The following NCKAP1L variants were observed in gnomAD, a reference collection of about 807,000 sequenced individuals.
The protein encoded by NCKAP1L is NCK associated protein 1 like.
NCKAP1L carries 53 observed loss-of-function variants against 139.2 expected under a neutral mutation model. That is an observed-to-expected ratio of 0.38 (90% CI 0.31 to 0.48). The LOEUF (loss-of-function observed/expected upper bound fraction) is 0.48. Among genes scored for constraint, NCKAP1L ranks in the 20% least tolerant of loss-of-function variants. NCKAP1L has a pLI of 0.98. For synonymous variants in NCKAP1L, 468 were observed against 499.7 expected (o/e 0.94, Z 0.85); for missense variants, 1,151 against 1,381.9 (o/e 0.83, Z 2.65).
chr12:54,539,032 T>A, intron 30 of NCKAP1L, 59 bp downstream of exon 30: 14 of 1,443,084 alleles, frequency 9.7e-6, no homozygotes, highest in Non-Finnish European at 1.1e-5. Flanking sequence ...GAGGGAGACT[T>A]CTGTTTAGGG....
At chr12:54,533,270 C>T (rs1957087552) in intron 26 of NCKAP1L, among the ~76,000 whole-genome samples, 1 of 152,210 alleles carries the variant, frequency 6.6e-6, no homozygotes, top group Non-Finnish European at 1.5e-5. Context: ...AATCTTTAGG[C>T]TCTGCCTGCC....
chr12:54,538,214 G>A (rs1957128131), intron 29 of NCKAP1L, among the ~76,000 whole-genome samples: 1 of 152,204 alleles, frequency 6.6e-6, no homozygotes, highest in Admixed American at 6.5e-5. Flanking sequence ...AGATTGGTTG[G>A]TGTGTCTCTA....
rs1957006501 is a variant in NCKAP1L, at chr12:54,523,838, C to T, written c.2038C>T (p.His680Tyr). Residue 680 changes from histidine to tyrosine, a missense_variant, in exon 20 of 31, where the codon CAC (histidine) becomes TAC (tyrosine). Physicochemically the swap from His to Tyr is moderately conservative, Grantham distance 83. Transcript: ENST00000293373. ...RSIVTNMDKL[H>Y]LNLTELALTM... is the part of the protein sequence containing the mutation. ...TTTCCTTTCTAGCATGGACAAGCTA[C>T]ACCTAAACTTGACAGAACTGGCACT... The T allele has an allele frequency of 6.8e-6, 11 of 1,613,896 alleles. No homozygotes were observed. In the South Asian group the frequency reaches 7.7e-5, roughly 11 times the overall value.
intron 22 of NCKAP1L, 148 bp downstream of exon 22, chr12:54,528,525 C>A: frequency 3.3e-6 from 3 of 913,720 alleles, no homozygotes; most frequent in East Asian, 2.7e-5. Context: ...ACTTTTGCAC[C>A]AACCTAATAG....
Position 54,523,927 on chromosome 12 carries a change from C to T in NCKAP1L, c.2127C>T (p.Leu709=). The change falls in exon 20 of 31, where the codon CTC becomes CTT. Residue 709 remains leucine (L), a synonymous_variant. Transcript: ENST00000293373. The part of the protein sequence containing the change: ...FEHTIFPSEY[L]SSHLEARLNR... ...ATACTATCTTCCCTTCTGAGTACCT[C>T]AGCAGCCACCTGGAGGCCAGACTCA... The T allele has an allele frequency of 6.2e-7, 1 of 1,614,102 alleles. No individual in the cohort carries two copies. Among genetic ancestry groups the T allele is most frequent in the Non-Finnish European group, 8.5e-7 (1 of 1,179,978 alleles).
chr12:54,531,227 G>A, intron 22 of NCKAP1L, 33 bp from the exon 23 acceptor site: 1 of 1,530,394 alleles, frequency 6.5e-7, no homozygotes. Flanking sequence ...TGCCTTCTGA[G>A]TCCCATCTGG....
chr12:54,506,821 A>ATATATATATATATATT (rs1956844824), intron 3 of NCKAP1L, among the ~76,000 whole-genome samples: 1 of 140,088 alleles, frequency 7.1e-6, no homozygotes, highest in Non-Finnish European at 1.5e-5. Flanking sequence ...ATATATATAT[A>ATATATATATATATATT]TATTCCTTAA....
At position 54,502,676 on chromosome 12, in the gene NCKAP1L, TATATC is replaced by T. The variant is rs558772384; in HGVS notation, c.306+2055_306+2059del. Among the ~76,000 whole-genome samples the T allele has an allele frequency of 1.2e-3, 178 of 151,902 alleles. 1 individual carries two copies. The highest frequency in any genetic ancestry group is 4.1e-3 in the African/African-American group (170 of 41,420). On this transcript the variant is annotated intron_variant, in intron 3 of 30. Transcript: ENST00000293373. ...CAGGAAATATAACATACACAGGAAA[TATATC>T]ATACACAGGAAATATAACATTATGG...
Position 54,542,641 on chromosome 12 carries a change from C to G in NCKAP1L, c.3340C>G (p.Arg1114Gly), listed in dbSNP as rs375216593. 1 of 1,614,166 alleles carries G rather than the reference C, an allele frequency of 6.2e-7. No homozygotes were observed. The change falls in exon 31 of 31, where the codon CGA becomes GGA. Residue 1114 changes from arginine to glycine, a missense_variant. Coordinates refer to ENST00000293373, the MANE Select transcript of NCKAP1L (RefSeq NM_005337.5). ...GTCCTGTTTCCCTTATGTCCTGCTT[C>G]GAAATGCCTATCGGGAGGTGTCTCG... ...LESCFPYVLL[R>G]NAYREVSRAF...
chr12:54,536,192 C>G lies in NCKAP1L; in HGVS notation c.3020C>G (p.Ser1007Cys), dbSNP rs1957111415. Residue 1007 changes from serine (S) to cysteine (C), a missense_variant, in exon 28 of 31, where the codon TCC (serine) becomes TGC (cysteine). Coordinates refer to ENST00000293373, the MANE Select transcript of NCKAP1L (RefSeq NM_005337.5). The stretch of plus-strand genomic sequence containing the variant: ...CTGCTCTTGATCTTTCTGGCAGTTT[C>G]CCTCCCACTCCTTGCCACTGACCCT... Reference protein sequence around the residue: ...ACLLLIFLAVSLPLLATDPSS... With the variant: ...ACLLLIFLAVCLPLLATDPSS... 1.2e-6 allele frequency: 2 copies of G among 1,613,488 alleles called. No individual in the cohort carries two copies. Among genetic ancestry groups the G allele is most frequent in the Non-Finnish European group, 1.7e-6 (2 of 1,179,734 alleles).
chr12:54,521,872 AG>A (rs1250863587), intron 18 of NCKAP1L, among the ~76,000 whole-genome samples: 1 of 145,498 alleles, frequency 6.9e-6, no homozygotes, highest in African/African-American at 2.5e-5. Flanking sequence ...GGCTTGGTAA[AG>A]GGGAGTGTGT....
rs1956874179 is a variant in NCKAP1L at position 54,509,938 on chromosome 12, C to G, written c.688C>G (p.Leu230Val). 1 of 1,614,126 alleles carries G rather than the reference C, an allele frequency of 6.2e-7. No individual in the cohort carries two copies. Among genetic ancestry groups the G allele is most frequent in the Non-Finnish European group, 8.5e-7 (1 of 1,180,046 alleles). Residue 230 changes from leucine to valine, a missense_variant, in exon 7 of 31, where the codon CTC becomes GTC. By Grantham distance (32) the Leu-to-Val change is conservative. Coordinates refer to ENST00000293373, the MANE Select transcript of NCKAP1L (RefSeq NM_005337.5). ...EQWRSAQLLS[L>V]ISNPPAMINP... Reference sequence around the variant, plus strand: ...GTGGCGCAGTGCCCAACTTCTAAGCCTCATCAGCAACCCCCCAGCCATGAT... The same window carrying G: ...GTGGCGCAGTGCCCAACTTCTAAGCGTCATCAGCAACCCCCCAGCCATGAT...
rs185229057 is a variant in NCKAP1L at position 54,545,636 on chromosome 12, G to A, written c.*2951G>A. The A allele has an allele frequency of 2.0e-5, 3 of 152,322 alleles. No homozygotes were observed. Among genetic ancestry groups the A allele is most frequent in the Admixed American group, 2.0e-4 (3 of 15,308 alleles). 9.4% of individuals were successfully genotyped at this position (152,322 alleles called of 1,614,324 possible). A position where few individuals can be genotyped will look rare whatever the true frequency, so the allele number is the denominator to read the frequency against. On this transcript the variant is annotated 3_prime_UTR_variant, in exon 31 of 31. Coordinates refer to ENST00000293373, the MANE Select transcript of NCKAP1L (RefSeq NM_005337.5). Reference sequence around the variant, plus strand: ...CTTACAACCTGGGAAAAAATAAGTTGTGTCCCAGGTTGTAAGTTTGCTTTA... The same window carrying A: ...CTTACAACCTGGGAAAAAATAAGTTATGTCCCAGGTTGTAAGTTTGCTTTA...
At chr12:54,528,183 T>TA in intron 21 of NCKAP1L, 64 bp from the exon 22 acceptor site, 1 of 1,574,828 alleles carries the variant, frequency 6.3e-7, no homozygotes, top group Non-Finnish European at 8.6e-7. Context: ...GTGGTAGTAG[T>TA]AGGGAATGCT....
In NCKAP1L at chr12:54,509,986, G is replaced by A; in HGVS notation, c.735+1G>A. ...GATTAACCCTGCTAATTCAGATACA[G>A]TGAGTGCCCTTTTCCTTTTGTTAGT... On this transcript the variant is annotated splice_donor_variant, in intron 7 of 30. Coordinates refer to ENST00000293373, the MANE Select transcript of NCKAP1L (RefSeq NM_005337.5). LOFTEE classifies it high-confidence loss of function. 1 of 1,614,142 alleles carries A rather than the reference G, an allele frequency of 6.2e-7. No homozygotes were observed. The highest frequency in any genetic ancestry group is 1.1e-5 in the South Asian group (1 of 91,080).
intron 30 of NCKAP1L, among the ~76,000 whole-genome samples, 175 bp from the exon 31 acceptor site, chr12:54,542,400 C>T (rs569022569): frequency 6.6e-6 from 1 of 152,248 alleles, no homozygotes; most frequent in East Asian, 1.9e-4. Context: ...GCTGAAGATG[C>T]CACATTGCCT....
chr12:54,546,328 C>G lies in NCKAP1L; in HGVS notation c.*3643C>G, dbSNP rs1267479979. 4 of 147,128 alleles carry G rather than the reference C, an allele frequency of 2.7e-5. No homozygotes were observed. In the East Asian group the frequency reaches 7.9e-4, roughly 29 times the overall value. The allele number at this position is 147,128 out of a possible 1,614,324, so 9.1% of individuals were successfully genotyped here. A position where few individuals can be genotyped will look rare whatever the true frequency, so the allele number is the denominator to read the frequency against. On this transcript the variant is annotated 3_prime_UTR_variant, in exon 31 of 31. Coordinates refer to ENST00000293373, the MANE Select transcript of NCKAP1L (RefSeq NM_005337.5). ...TGAGCGAAGATGATGCCATTGCACT[C>G]CAGTCTGGGTGACAGAGCAAGATCC...
rs899144425 is a variant in NCKAP1L at position 54,544,422 on chromosome 12, C to G, written c.*1737C>G. ...GTAGACAGAATGCCTTTTTTTAAAACTGAAAATTTTATTGAGATACTTAAT... is the reference window on the plus strand; with the variant it reads ...GTAGACAGAATGCCTTTTTTTAAAAGTGAAAATTTTATTGAGATACTTAAT... On this transcript the variant is annotated 3_prime_UTR_variant, in exon 31 of 31. Coordinates refer to ENST00000293373, the MANE Select transcript of NCKAP1L (RefSeq NM_005337.5). 1.3e-5 allele frequency: 2 copies of G among 152,118 alleles called. No individual in the cohort carries two copies. The highest frequency in any genetic ancestry group is 4.8e-5 in the African/African-American group (2 of 41,416). The allele number at this position is 152,118 out of a possible 1,614,324, so 9.4% of individuals were successfully genotyped here. A position where few individuals can be genotyped will look rare whatever the true frequency, so the allele number is the denominator to read the frequency against.
intron 22 of NCKAP1L, among the ~76,000 whole-genome samples, chr12:54,530,490 T>C (rs188193668): frequency 1.3e-3 from 192 of 152,182 alleles, no homozygotes; most frequent in African/African-American, 4.4e-3. Flanking sequence ...GTGTTGATTA[T>C]GAAAAAAGAA....
Sources: gnomAD v4.1 joint callset for allele counts (sites outside exome capture counted in the v4.1 genomes callset) on GRCh38, gnomAD v4.1.1 for gene constraint, MANE v1.5 for transcripts, NCBI Gene and HGNC (gene_info 2026-07-23, HGNC 2026-07-21) for gene names.